Variants in RRP12 observed in about 807,000 individuals in gnomAD.
RRP12 encodes the protein ribosomal RNA processing 12 homolog.
Under a neutral mutation model 157.3 loss-of-function variants are expected in RRP12, and 78 were observed. That is an observed-to-expected ratio of 0.50 (90% CI 0.41 to 0.60). The LOEUF is 0.60. Ranked by LOEUF, RRP12 falls within the 20% of genes least tolerant of loss-of-function variation. The pLI, the probability that RRP12 is intolerant of heterozygous loss-of-function variation, is 0.00. For missense variants in RRP12, 1,521 were observed against 1,679.9 expected (o/e 0.91, Z 1.65); for synonymous variants, 726 against 670.9 (o/e 1.08, Z -1.27).
intron 10 of RRP12, among the ~76,000 whole-genome samples, chr10:97,382,732 T>C (rs1177354737): frequency 5.9e-5 from 9 of 151,882 alleles, no homozygotes; most frequent in Admixed American, 5.9e-4. Flanking sequence ...TCTTTCCATA[T>C]AAGTGCACAT....
intron 20 of RRP12, chr10:97,371,391 C>T (rs577933954): frequency 7.8e-6 from 3 of 382,316 alleles, no homozygotes; most frequent in East Asian, 4.5e-5. Context: ...TCTTTCTAGC[C>T]GGAGCACTCT....
intron 6 of RRP12, among the ~76,000 whole-genome samples, chr10:97,389,872 C>T (rs952088613): frequency 6.6e-6 from 1 of 152,084 alleles, no homozygotes; most frequent in African/African-American, 2.4e-5. Flanking sequence ...ACCACCACAC[C>T]TGGCTAATTT....
chr10:97,372,997 C>T, intron 18 of RRP12, 49 bp downstream of exon 18: 2 of 1,558,724 alleles, frequency 1.3e-6, no homozygotes, highest in South Asian at 2.3e-5. Flanking sequence ...CTGACCCTGC[C>T]CACCTGAGAG....
intron 31 of RRP12, among the ~76,000 whole-genome samples, chr10:97,359,701 G>C (rs563705862): frequency 6.6e-6 from 1 of 152,352 alleles, no homozygotes; most frequent in East Asian, 1.9e-4. Flanking sequence ...GAGACAGACA[G>C]TGTAACCAGG....
chr10:97,396,777 A>AT (rs1047670214), intron 2 of RRP12, among the ~76,000 whole-genome samples: 5 of 151,742 alleles, frequency 3.3e-5, no homozygotes, highest in Non-Finnish European at 7.4e-5. Flanking sequence ...TACTTTATTT[A>AT]TTTTTTTTGA....
intron 29 of RRP12, 28 bp from the exon 30 acceptor site, chr10:97,363,931 G>A (rs1204684300): frequency 6.2e-7 from 1 of 1,609,992 alleles, no homozygotes; most frequent in African/African-American, 1.3e-5. Context: ...AGGCCCATGA[G>A]CGCTGTGGGA....
chr10:97,390,946 C>T (rs922989821), intron 4 of RRP12, 102 bp from the exon 5 acceptor site: 24 of 769,018 alleles, frequency 3.1e-5, no homozygotes, highest in Non-Finnish European at 5.2e-5. Flanking sequence ...GCGCTGGTGG[C>T]ACAGTCACTC....
intron 14 of RRP12, 40 bp from the exon 15 acceptor site, chr10:97,379,454 A>G (rs762561981): frequency 1.2e-6 from 2 of 1,612,396 alleles, no homozygotes; most frequent in South Asian, 1.1e-5. Flanking sequence ...GGATGAGGGG[A>G]CAGCCCTGAG....
intron 8 of RRP12, chr10:97,387,960 AAAAAAAAAT>A: frequency 8.3e-6 from 2 of 240,974 alleles, no homozygotes; most frequent in Non-Finnish European, 1.6e-5. Context: ...AAAAAAAAAA[AAAAAAAAAT>A]TGGTATAGGG....
chr10:97,372,647 G>T, intron 19 of RRP12, 89 bp downstream of exon 19: 1 of 1,041,400 alleles, frequency 9.6e-7, no homozygotes, highest in Non-Finnish European at 1.5e-6. Context: ...CTTAAATAAT[G>T]CAAGAGGGAA....
At chr10:97,390,334 A>G in intron 6 of RRP12, 89 bp downstream of exon 6, 1 of 963,390 alleles carries the variant, frequency 1.0e-6, no homozygotes, top group Non-Finnish European at 1.7e-6. Context: ...CAAGCTCCCC[A>G]GTGCCACTCA....
At chr10:97,358,055 C>T (rs1247888703) in intron 33 of RRP12, among the ~76,000 whole-genome samples, 10 of 151,958 alleles carry the variant, frequency 6.6e-5, no homozygotes, top group South Asian at 6.2e-4. Context: ...CAGTTCAGGG[C>T]GGGGCACGGT....
At chr10:97,387,294 G>A (rs1378822228) in intron 8 of RRP12, among the ~76,000 whole-genome samples, 1 of 150,940 alleles carries the variant, frequency 6.6e-6, no homozygotes, top group African/African-American at 2.4e-5. Context: ...TCTTTTTCCT[G>A]AATATTTTCT....
chr10:97,385,216 G>C lies in RRP12; in HGVS notation c.1158C>G (p.Pro386=). Residue 386 remains proline (P), a synonymous_variant, in exon 10 of 34, where the codon CCC becomes CCG. Transcript: ENST00000370992. ...CCATGACCTTAAGCCAGGCTAGCAG[G>C]GGTTGTAAATCATTCTCACTGGGAA... ...DYVPSENDLQ[P]LLAWLKVMEK... 1 of 1,614,124 alleles carries C rather than the reference G, an allele frequency of 6.2e-7. No homozygotes were observed. Among genetic ancestry groups the C allele is most frequent in the Non-Finnish European group, 8.5e-7 (1 of 1,179,984 alleles).
At chr10:97,361,309 G>A (rs974227970) in intron 30 of RRP12, among the ~76,000 whole-genome samples, 8 of 152,220 alleles carry the variant, frequency 5.3e-5, no homozygotes, top group Admixed American at 6.5e-5. Context: ...GGGAGAGCCC[G>A]ACAGCGGCCC....
intron 9 of RRP12, among the ~76,000 whole-genome samples, chr10:97,385,478 T>C (rs1305501760): frequency 6.6e-6 from 1 of 151,564 alleles, no homozygotes; most frequent in African/African-American, 2.4e-5. Context: ...CAGCGGAGTA[T>C]CATGGGTCAC....
At chr10:97,364,236 G>A (rs1438201976) in intron 29 of RRP12, among the ~76,000 whole-genome samples, 4 of 152,078 alleles carry the variant, frequency 2.6e-5, no homozygotes, top group African/African-American at 7.2e-5. Flanking sequence ...CCAGGTTTCC[G>A]GGGGAGTCAG....
chr10:97,370,215 C>T lies in RRP12; in HGVS notation c.2749G>A (p.Val917Ile). The stretch of plus-strand genomic sequence containing the variant: ...GTCAGGGCCAGGATGCTGCAGCTGA[C>T]CATGGTCACCGCGCCCACCAGGCCA... ...YPGLVGAVTM[V>I]SCSILALTHL... The change falls in exon 24 of 34, where the codon GTC becomes ATC. Residue 917 changes from valine (V) to isoleucine (I), a missense_variant. Coordinates refer to ENST00000370992, the MANE Select transcript of RRP12 (RefSeq NM_015179.4). 6.2e-7 allele frequency: 1 copy of T among 1,607,242 alleles called. No individual in the cohort carries two copies. The highest frequency in any genetic ancestry group is 8.5e-7 in the Non-Finnish European group (1 of 1,177,412).
chr10:97,396,257 C>T lies in RRP12; in HGVS notation c.414G>A (p.Gln138=), dbSNP rs1222316626. The T allele has an allele frequency of 4.3e-6, 7 of 1,613,946 alleles. No individual in the cohort carries two copies. Among genetic ancestry groups the T allele is most frequent in the Non-Finnish European group, 5.9e-6 (7 of 1,179,862 alleles). The change falls in exon 3 of 34, where the codon CAG becomes CAA. Residue 138 remains glutamine, a synonymous_variant. Transcript: ENST00000370992. ...ACTCAGTCTCCGTCTCCTTCCCTCC[C>T]TGGGAGCGAATCACCTCAGTGACAG... is the stretch of plus-strand genomic sequence containing the variant. ...LAAVTEVIRS[Q]GGKETETEYF...
Sources: allele counts gnomAD v4.1 joint callset (sites outside exome capture counted in the v4.1 genomes callset), GRCh38; gene constraint gnomAD v4.1.1; transcripts MANE v1.5; gene names NCBI Gene and HGNC (gene_info 2026-07-23, HGNC 2026-07-21).